The following ITPR2 variants were observed in gnomAD, a reference collection of about 807,000 sequenced individuals.
The protein encoded by ITPR2 is inositol 1,4,5-trisphosphate receptor type 2, also known as inositol 1,4,5-trisphosphate-gated calcium channel ITPR2.
Under a neutral mutation model 317.1 loss-of-function variants are expected in ITPR2, and 207 were observed. That is an observed-to-expected ratio of 0.65 (90% CI 0.58 to 0.73). ITPR2 has a LOEUF of 0.73. Among genes scored for constraint, ITPR2 ranks in the 30% least tolerant of loss-of-function variants. ITPR2 has a pLI of 0.00. For missense variants in ITPR2, 2,613 were observed against 3,284.0 expected (o/e 0.80, Z 4.99); for synonymous variants, 1,156 against 1,149.1 (o/e 1.01, Z -0.12).
intron 1 of ITPR2, among the ~76,000 whole-genome samples, chr12:26,802,749 T>C (rs1402826444): frequency 6.6e-6 from 1 of 152,004 alleles, no homozygotes; most frequent in Non-Finnish European, 1.5e-5. Flanking sequence ...TTTCACTGCT[T>C]TAAGATATAC....
intron 45 of ITPR2, among the ~76,000 whole-genome samples, chr12:26,472,594 T>C (rs1486212060): frequency 1.3e-5 from 2 of 151,992 alleles, no homozygotes; most frequent in Non-Finnish European, 2.9e-5. Flanking sequence ...CCTTGTAACA[T>C]TTTTTTTACT....
rs1591942378 is a variant in ITPR2, at chr12:26,336,117, C to G, written c.*3280G>C. ...ATCTACTGGGTCCCTGAAGAATAAGCTTTTTTCTTCTTCTTAGCTAATATT... is the reference window on the plus strand; with the variant it reads ...ATCTACTGGGTCCCTGAAGAATAAGGTTTTTTCTTCTTCTTAGCTAATATT... On this transcript the variant is annotated 3_prime_UTR_variant, in exon 57 of 57. Coordinates refer to ENST00000381340, the MANE Select transcript of ITPR2 (RefSeq NM_002223.4). Among the ~76,000 whole-genome samples, 1 of 152,104 alleles carries G rather than the reference C, an allele frequency of 6.6e-6. No homozygotes were observed. The highest frequency in any genetic ancestry group is 2.4e-5 in the African/African-American group (1 of 41,418).
chr12:26,600,677 AC>A (rs1384792491), intron 28 of ITPR2, among the ~76,000 whole-genome samples: 2 of 151,152 alleles, frequency 1.3e-5, no homozygotes, highest in Non-Finnish European at 3.0e-5. Flanking sequence ...TCTTTCTCCC[AC>A]ATCTATTCCA....
chr12:26,410,400 G>T (rs977472090), intron 52 of ITPR2, among the ~76,000 whole-genome samples: 1 of 152,062 alleles, frequency 6.6e-6, no homozygotes, highest in Non-Finnish European at 1.5e-5. Context: ...CAGTAGAAGG[G>T]TCTATTCATT....
chr12:26,723,292 GA>G (rs899170683), intron 4 of ITPR2, among the ~76,000 whole-genome samples: 1 of 151,484 alleles, frequency 6.6e-6, no homozygotes, highest in African/African-American at 2.4e-5. Context: ...TTCTTTAATT[GA>G]AAAAAAATCA....
intron 55 of ITPR2, among the ~76,000 whole-genome samples, chr12:26,377,489 T>C (rs1939380289): frequency 6.6e-6 from 1 of 152,234 alleles, no homozygotes; most frequent in Non-Finnish European, 1.5e-5. Flanking sequence ...AGCTTAGAGA[T>C]TAAAAATTCT....
chr12:26,572,401 T>C (rs1246732001), intron 34 of ITPR2, among the ~76,000 whole-genome samples: 1 of 152,202 alleles, frequency 6.6e-6, no homozygotes, highest in Non-Finnish European at 1.5e-5. Context: ...GGGGCCTAGT[T>C]TGGCACGATG....
At position 26,658,731 on chromosome 12, in the gene ITPR2, G is replaced by A. The variant is rs376106383; in HGVS notation, c.1886+382C>T. Among the ~76,000 whole-genome samples, 11 of 152,312 alleles carry A rather than the reference G, an allele frequency of 7.2e-5. No homozygotes were observed. In the East Asian group the frequency reaches 1.2e-3, roughly 16 times the overall value. ...TCGTATTCTATTCCTATCAGGGTAC[G>A]CTTGGGCAAGTTGCTCACTCGGCTT... On this transcript the variant is annotated intron_variant, in intron 16 of 56. Coordinates refer to ENST00000381340, the MANE Select transcript of ITPR2 (RefSeq NM_002223.4).
chr12:26,412,659 G>C (rs1032239321), intron 51 of ITPR2, among the ~76,000 whole-genome samples: 24 of 152,246 alleles, frequency 1.6e-4, no homozygotes, highest in Non-Finnish European at 2.9e-4. Context: ...GGAGGAAGAA[G>C]TGAATTCTAG....
chr12:26,715,789 A>G lies in ITPR2; in HGVS notation c.671T>C (p.Met224Thr), dbSNP rs1290983158. 6 of 1,609,814 alleles carry G rather than the reference A, an allele frequency of 3.7e-6. No homozygotes were observed. Among genetic ancestry groups the G allele is most frequent in the Non-Finnish European group, 5.1e-6 (6 of 1,176,584 alleles). The change falls in exon 7 of 57, where the codon ATG becomes ACG. Residue 224 changes from methionine (M) to threonine (T), a missense_variant. Coordinates refer to ENST00000381340, the MANE Select transcript of ITPR2 (RefSeq NM_002223.4). ...ATCCTCTCGATAGGAACTATATTTCATGAATAAAGTGATTTTCCAGCTGGT... is the reference window on the plus strand; with the variant it reads ...ATCCTCTCGATAGGAACTATATTTCGTGAATAAAGTGATTTTCCAGCTGGT... ...CNTSWKITLF[M>T]KYSSYREDVL...
At chr12:26,696,124 T>C (rs1167559825) in intron 9 of ITPR2, among the ~76,000 whole-genome samples, 1 of 152,152 alleles carries the variant, frequency 6.6e-6, no homozygotes, top group African/African-American at 2.4e-5. Flanking sequence ...AGCAAATACA[T>C]GAGGACTACT....
intron 21 of ITPR2, among the ~76,000 whole-genome samples, chr12:26,646,625 C>T (rs1471220582): frequency 6.6e-6 from 1 of 152,110 alleles, no homozygotes; most frequent in Non-Finnish European, 1.5e-5. Context: ...TGGGTTGGGT[C>T]CACAGGGCTG....
intron 36 of ITPR2, among the ~76,000 whole-genome samples, chr12:26,552,600 G>A (rs139650715): frequency 3.3e-5 from 5 of 152,110 alleles, no homozygotes; most frequent in East Asian, 1.9e-4. Context: ...ATATCCATGC[G>A]GTCAGGCCTA....
intron 37 of ITPR2, among the ~76,000 whole-genome samples, chr12:26,520,412 G>C (rs1943633032): frequency 1.3e-5 from 2 of 152,110 alleles, no homozygotes; most frequent in Non-Finnish European, 2.9e-5. Context: ...TCCTGTTCTT[G>C]TGAGTGTCAT....
intron 52 of ITPR2, among the ~76,000 whole-genome samples, chr12:26,410,730 G>T (rs1940521058): frequency 6.6e-6 from 1 of 152,122 alleles, no homozygotes; most frequent in Non-Finnish European, 1.5e-5. Context: ...TATGACACAT[G>T]CCATAGTTTC....
intron 5 of ITPR2, among the ~76,000 whole-genome samples, chr12:26,718,165 C>G (rs527469564): frequency 6.6e-6 from 1 of 152,276 alleles, no homozygotes; most frequent in East Asian, 1.9e-4. Flanking sequence ...TGATGGCTTA[C>G]TGCACCTATT....
At chr12:26,751,422 C>T (rs184644601) in intron 2 of ITPR2, among the ~76,000 whole-genome samples, 2 of 152,310 alleles carry the variant, frequency 1.3e-5, no homozygotes, top group Admixed American at 1.3e-4. Flanking sequence ...CAGGACTAAT[C>T]TCAAACTACT....
chr12:26,539,516 C>T (rs1462757115), intron 37 of ITPR2, among the ~76,000 whole-genome samples: 3 of 152,130 alleles, frequency 2.0e-5, no homozygotes, highest in Non-Finnish European at 4.4e-5. Flanking sequence ...CTACTGGATC[C>T]AGGACGAGCG....
chr12:26,714,036 T>G (rs1338673458), intron 8 of ITPR2, among the ~76,000 whole-genome samples: 1 of 152,214 alleles, frequency 6.6e-6, no homozygotes, highest in Non-Finnish European at 1.5e-5. Context: ...GCGACTGAAA[T>G]TATTCCTCAA....
Sources: gnomAD v4.1 joint callset for allele counts (sites outside exome capture counted in the v4.1 genomes callset) on GRCh38, gnomAD v4.1.1 for gene constraint, MANE v1.5 for transcripts, NCBI Gene and HGNC (gene_info 2026-07-23, HGNC 2026-07-21) for gene names.